ENOX1: variants seen among roughly 807,000 people sequenced by gnomAD.
ENOX1 encodes candidate growth-related and time keeping constitutive hydroquinone (NADH) oxidase.
In ENOX1, 42 loss-of-function variants were observed where a neutral mutation model predicts 82.5. That is an observed-to-expected ratio of 0.51 (90% confidence interval 0.40 to 0.66). The LOEUF (loss-of-function observed/expected upper bound fraction) is 0.66, where lower values mean the gene tolerates loss of function less well. Ranked by LOEUF, ENOX1 falls within the 30% of genes least tolerant of loss-of-function variation. The pLI is 0.00. For synonymous variants in ENOX1, 271 were observed against 282.2 expected, an observed-to-expected ratio of 0.96 and a Z score of 0.40; for missense variants, 608 against 811.6, an observed-to-expected ratio of 0.75 and a Z score of 3.05.
chr13:43,254,017 A>C (rs2043607576), intron 14 of ENOX1, among the ~76,000 whole-genome samples: 1 of 152,184 alleles, frequency 6.6e-6, no homozygotes, highest in South Asian at 2.1e-4. Context: ...TCCCTTGTTG[A>C]TGGTTTGGAG....
chr13:43,756,258 C>G (rs1950631276), intron 1 of ENOX1, among the ~76,000 whole-genome samples: 1 of 151,988 alleles, frequency 6.6e-6, no homozygotes, highest in South Asian at 2.1e-4. Context: ...AAAACCCCAT[C>G]TCTACATGAT....
At chr13:43,680,171 T>A (rs1032693648) in intron 1 of ENOX1, among the ~76,000 whole-genome samples, 1 of 152,362 alleles carries the variant, frequency 6.6e-6, no homozygotes, top group East Asian at 1.9e-4. Flanking sequence ...TTTTACTCTT[T>A]ATACAGAAAT....
intron 12 of ENOX1, among the ~76,000 whole-genome samples, chr13:43,279,944 T>C (rs1040743434): frequency 6.6e-6 from 1 of 152,238 alleles, no homozygotes; most frequent in Non-Finnish European, 1.5e-5. Context: ...GTCAAATACC[T>C]TGCTGAAGTA....
intron 12 of ENOX1, among the ~76,000 whole-genome samples, chr13:43,290,900 G>A (rs1404560570): frequency 6.6e-6 from 1 of 152,042 alleles, no homozygotes; most frequent in Non-Finnish European, 1.5e-5. Flanking sequence ...AGTGACACAC[G>A]CCTGTAGTCC....
At position 43,312,270 on chromosome 13, in the gene ENOX1, G is replaced by A. The variant is rs117684746; in HGVS notation, c.1261+10114C>T. Among the ~76,000 whole-genome samples the A allele has an allele frequency of 2.8e-4, 42 of 152,274 alleles. 1 individual carries two copies. In the East Asian group the frequency reaches 7.1e-3, roughly 26 times the overall value. ...ATATTACTGTAGATGAGGTCCCTCA[G>A]ACTCTTATTTTAAAGCTATATTGGA... On this transcript the variant is annotated intron_variant, in intron 11 of 16. Coordinates refer to ENST00000690772, the MANE Select transcript of ENOX1 (RefSeq NM_001347969.2).
chr13:43,504,281 C>G (rs1379874523), intron 2 of ENOX1, among the ~76,000 whole-genome samples: 1 of 151,626 alleles, frequency 6.6e-6, no homozygotes. Flanking sequence ...CTTAAAGAAT[C>G]AGAACTACCA....
chr13:43,713,971 G>C (rs2087920271), intron 1 of ENOX1, among the ~76,000 whole-genome samples: 2 of 142,476 alleles, frequency 1.4e-5, no homozygotes, highest in Non-Finnish European at 3.1e-5. Flanking sequence ...GAATGTGTTT[G>C]CTCTTACTTT....
At position 43,714,372 on chromosome 13, in the gene ENOX1, GA is replaced by G. The variant is rs1460157753; in HGVS notation, c.-284-46829del. ...TTTGGAATAGATGTGGTGTGGTGCT[GA>G]AAAAAATGTATATTCTGTTGATTTG... On this transcript the variant is annotated intron_variant, in intron 1 of 16. Transcript: ENST00000690772. Among the ~76,000 whole-genome samples the G allele has an allele frequency of 2.0e-5, 3 of 152,210 alleles. No homozygotes were observed. The East Asian group carries it at 5.8e-4, about 29-fold the overall frequency.
At chr13:43,616,204 A>ATATATATATATTT (rs1457149422) in intron 2 of ENOX1, among the ~76,000 whole-genome samples, 1 of 15,316 alleles carries the variant, frequency 6.5e-5, no homozygotes, top group African/African-American at 1.1e-4. Flanking sequence ...ATATATATAT[A>ATATATATATATTT]TTTTTTTTTT....
intron 16 of ENOX1, among the ~76,000 whole-genome samples, chr13:43,215,612 G>C (rs996615015): frequency 2.0e-5 from 3 of 152,178 alleles, no homozygotes; most frequent in Admixed American, 1.3e-4. Context: ...TTTTATCAAA[G>C]ACACAACTTG....
intron 2 of ENOX1, among the ~76,000 whole-genome samples, chr13:43,587,185 G>A (rs1196639231): frequency 6.6e-6 from 1 of 152,120 alleles, no homozygotes; most frequent in African/African-American, 2.4e-5. Context: ...AGAAGCACTT[G>A]TCAGTCTCAA....
At chr13:43,745,640 C>T (rs1396853169) in intron 1 of ENOX1, among the ~76,000 whole-genome samples, 1 of 152,150 alleles carries the variant, frequency 6.6e-6, no homozygotes, top group Non-Finnish European at 1.5e-5. Flanking sequence ...CTGGCATATA[C>T]ATAAAATGAG....
intron 2 of ENOX1, among the ~76,000 whole-genome samples, chr13:43,498,551 A>G (rs1323741014): frequency 6.6e-6 from 1 of 152,146 alleles, no homozygotes; most frequent in East Asian, 1.9e-4. Context: ...CCATGAGTTC[A>G]TAATATTGTC....
chr13:43,559,984 T>C (rs1593818301), intron 2 of ENOX1, among the ~76,000 whole-genome samples: 3 of 152,320 alleles, frequency 2.0e-5, no homozygotes, highest in Admixed American at 1.3e-4. Context: ...CCTCCAACCA[T>C]AGTCCCACTT....
At chr13:43,477,932 A>G (rs1035246670) in intron 3 of ENOX1, among the ~76,000 whole-genome samples, 4 of 152,156 alleles carry the variant, frequency 2.6e-5, no homozygotes, top group Non-Finnish European at 5.9e-5. Context: ...ATTTTCAAAC[A>G]TAATCCCCAA....
chr13:43,295,681 T>G (rs2046247320), intron 12 of ENOX1, among the ~76,000 whole-genome samples: 1 of 152,214 alleles, frequency 6.6e-6, no homozygotes, highest in African/African-American at 2.4e-5. Context: ...TCATCTTTCA[T>G]GTGAAACCAT....
At chr13:43,618,953 C>G (rs1333850678) in intron 2 of ENOX1, among the ~76,000 whole-genome samples, 1 of 148,002 alleles carries the variant, frequency 6.8e-6, no homozygotes, top group Non-Finnish European at 1.5e-5. Flanking sequence ...AGTCTTTCAA[C>G]TCCTTGGTTA....
chr13:43,532,544 A>G (rs2078276149), intron 2 of ENOX1, among the ~76,000 whole-genome samples: 1 of 152,186 alleles, frequency 6.6e-6, no homozygotes, highest in Non-Finnish European at 1.5e-5. Context: ...TTCAAAAGAA[A>G]CAAGGCAGAT....
chr13:43,711,702 G>T (rs1333671202), intron 1 of ENOX1, among the ~76,000 whole-genome samples: 2 of 152,102 alleles, frequency 1.3e-5, no homozygotes, highest in South Asian at 4.2e-4. Flanking sequence ...TGTGCTTTTT[G>T]GCTGCATAAA....
Sources: allele counts gnomAD v4.1 joint callset (sites outside exome capture counted in the v4.1 genomes callset), GRCh38; gene constraint gnomAD v4.1.1; transcripts MANE v1.5; gene names NCBI Gene and HGNC (gene_info 2026-07-23, HGNC 2026-07-21).